The following SLC25A28 variants were observed in gnomAD, a reference collection of about 807,000 sequenced individuals.
SLC25A28 encodes the protein solute carrier family 25 member 28.
Under a neutral mutation model 31.9 loss-of-function variants are expected in SLC25A28, and 10 were observed. The ratio of observed to expected loss-of-function variants is 0.31; its 90% CI spans 0.19 to 0.53. The LOEUF is 0.53. Ranked by LOEUF, SLC25A28 falls within the 20% of genes least tolerant of loss-of-function variation. The pLI is 0.95. For synonymous variants in SLC25A28, 208 were observed against 203.6 expected, an observed-to-expected ratio of 1.02 and a Z score of -0.19; for missense variants, 256 against 490.3, an observed-to-expected ratio of 0.52 and a Z score of 4.51.
chr10:99,643,895 C>CT, the SLC25A28 span, among the ~76,000 whole-genome samples: 3 of 152,184 alleles, frequency 2.0e-5, no homozygotes, highest in Non-Finnish European at 2.9e-5. Flanking sequence ...TTTCTAAATC[C>CT]TGAGTTCTAG....
intron 1 of SLC25A28, among the ~76,000 whole-genome samples, chr10:99,615,265 C>T (rs1229524398): frequency 1.3e-5 from 2 of 150,156 alleles, no homozygotes; most frequent in Non-Finnish European, 2.9e-5. Context: ...GCAGGAGAAT[C>T]GCTTGAACCT....
the SLC25A28 span, among the ~76,000 whole-genome samples, chr10:99,651,461 A>G: frequency 1.3e-5 from 2 of 152,262 alleles, no homozygotes; most frequent in East Asian, 3.9e-4. Flanking sequence ...TATTCTAGAT[A>G]CAAGCCCTTT....
the SLC25A28 span, among the ~76,000 whole-genome samples, chr10:99,633,738 G>T: frequency 6.6e-6 from 1 of 150,996 alleles, no homozygotes; most frequent in Non-Finnish European, 1.5e-5. Flanking sequence ...TGAAGACAAA[G>T]GGCATAAACT....
the SLC25A28 span, among the ~76,000 whole-genome samples, chr10:99,633,444 C>A: frequency 2.6e-5 from 4 of 151,760 alleles, no homozygotes; most frequent in Admixed American, 2.6e-4. Context: ...ATTTGTAATC[C>A]CAGCACTTTG....
intron 1 of SLC25A28, chr10:99,616,543 C>G (rs771868199): frequency 6.3e-4 from 625 of 985,328 alleles, no homozygotes; most frequent in Non-Finnish European, 7.4e-4. Context: ...GGGCAACTAA[C>G]TGTCCTTAGC....
chr10:99,628,522 A>G, the SLC25A28 span, among the ~76,000 whole-genome samples: 14 of 152,368 alleles, frequency 9.2e-5, no homozygotes, highest in African/African-American at 3.4e-4. Context: ...GCAGATGGCT[A>G]TAAGAAAAAA....
intron 1 of SLC25A28, chr10:99,616,335 G>A (rs1296664591): frequency 3.9e-6 from 3 of 773,422 alleles, no homozygotes; most frequent in Non-Finnish European, 4.7e-6. Context: ...TATAACATGA[G>A]GCCAAGAATG....
the SLC25A28 span, among the ~76,000 whole-genome samples, chr10:99,627,186 A>G: frequency 6.6e-6 from 1 of 152,178 alleles, no homozygotes; most frequent in Non-Finnish European, 1.5e-5. Flanking sequence ...GGTTGCAGTG[A>G]GCCAAGATCA....
At chr10:99,657,860 G>A in the SLC25A28 span, among the ~76,000 whole-genome samples, 8 of 152,128 alleles carry the variant, frequency 5.3e-5, no homozygotes, top group Non-Finnish European at 1.0e-4. Flanking sequence ...TCAAGTCAGA[G>A]TATACATGAA....
chr10:99,625,119 G>A (rs1372315959), upstream of SLC25A28, among the ~76,000 whole-genome samples: 2 of 151,684 alleles, frequency 1.3e-5, no homozygotes, highest in South Asian at 2.1e-4. Context: ...TCGTGGTCTC[G>A]CTGACTTCAT....
At chr10:99,650,117 G>C in the SLC25A28 span, among the ~76,000 whole-genome samples, 1 of 151,932 alleles carries the variant, frequency 6.6e-6, no homozygotes, top group Non-Finnish European at 1.5e-5. Context: ...TATCCCACAG[G>C]TTTTGATATG....
chr10:99,621,211 T>G (rs2297448), upstream of SLC25A28: 1 of 155,050 alleles, frequency 6.4e-6, no homozygotes, highest in Non-Finnish European at 1.4e-5. Context: ...CTGGCCGGAC[T>G]CGGTGCTCCT....
At chr10:99,619,259 G>A (rs1359482963) in intron 1 of SLC25A28, 2 of 985,120 alleles carry the variant, frequency 2.0e-6, no homozygotes, top group Admixed American at 1.2e-4. Context: ...TTCTAATACC[G>A]TCACACTTCC....
chr10:99,628,576 G>A, the SLC25A28 span, among the ~76,000 whole-genome samples: 9 of 152,322 alleles, frequency 5.9e-5, no homozygotes, highest in South Asian at 1.9e-3. Flanking sequence ...TACAATCCCA[G>A]CACTTTGGGA....
upstream of SLC25A28, chr10:99,620,948 G>A (rs112203526): frequency 3.8e-4 from 367 of 957,474 alleles, 1 homozygote; most frequent in African/African-American, 6.2e-3. Context: ...GTTACGACCC[G>A]CGCTCCCGTG....
rs755153851 is a variant in SLC25A28, at chr10:99,611,670, G to C, written c.578-304C>G. Among the ~76,000 whole-genome samples, 81 of 152,188 alleles carry C rather than the reference G, an allele frequency of 5.3e-4. No homozygotes were observed. Among genetic ancestry groups the C allele is most frequent in the Middle Eastern group, 3.4e-3 (1 of 294 alleles). On this transcript the variant is annotated intron_variant, in intron 3 of 3. Transcript: ENST00000370495. The surrounding 1 kb of genome is among the most constrained non-coding windows in gnomAD (Gnocchi z 5.5). ...GCTTCAGAGAGTCTTCTTGAACTAA[G>C]TACCTATCTCTGATCTTACCCTCTA...
chr10:99,639,354 G>A, the SLC25A28 span, among the ~76,000 whole-genome samples: 38 of 151,886 alleles, frequency 2.5e-4, no homozygotes, highest in Admixed American at 2.2e-3. Context: ...GGAGGGGGGC[G>A]AGGGATAAAA....
At chr10:99,615,341 A>T in intron 1 of SLC25A28, 1 of 924,552 alleles carries the variant, frequency 1.1e-6, no homozygotes, top group Non-Finnish European at 1.3e-6. Flanking sequence ...GGGCAACAAG[A>T]GCAAAACTCC....
the SLC25A28 span, among the ~76,000 whole-genome samples, chr10:99,648,840 C>A: frequency 6.6e-6 from 1 of 151,942 alleles, no homozygotes; most frequent in Non-Finnish European, 1.5e-5. Flanking sequence ...AATCTAAAAG[C>A]TTTTTTGGAG....
Sources: allele counts gnomAD v4.1 joint callset (sites outside exome capture counted in the v4.1 genomes callset), GRCh38; gene constraint gnomAD v4.1.1; non-coding constraint Gnocchi (gnomAD v3.1); transcripts MANE v1.5; gene names NCBI Gene and HGNC (gene_info 2026-07-23, HGNC 2026-07-21).